The following PTPRO variants were observed in gnomAD, a reference collection of about 807,000 sequenced individuals.
The protein encoded by PTPRO is protein tyrosine phosphatase receptor type O.
PTPRO carries 62 observed loss-of-function variants against 145.2 expected under a neutral mutation model. The observed-to-expected ratio is 0.43, with a 90% CI of 0.35 to 0.53. PTPRO has a LOEUF of 0.53. Ranked by LOEUF, PTPRO falls within the 20% of genes least tolerant of loss-of-function variation. PTPRO has a pLI of 0.01. For synonymous variants in PTPRO, 565 were observed against 514.7 expected (o/e 1.10, Z -1.32); for missense variants, 1,345 against 1,482.7 (o/e 0.91, Z 1.53).
chr12:15,568,914 G>A (rs1016411179), intron 18 of PTPRO, among the ~76,000 whole-genome samples: 1 of 152,170 alleles, frequency 6.6e-6, no homozygotes, highest in Non-Finnish European at 1.5e-5. Context: ...TTGTAAAGCT[G>A]TTGAAACTTA....
At chr12:15,450,944 G>GCAA (rs1941030317) in intron 1 of PTPRO, among the ~76,000 whole-genome samples, 1 of 151,892 alleles carries the variant, frequency 6.6e-6, no homozygotes, top group South Asian at 2.1e-4. Flanking sequence ...AGGTATTCAG[G>GCAA]CAACAAATAG....
chr12:15,327,818 T>C (rs917565337), intron 1 of PTPRO, among the ~76,000 whole-genome samples: 19 of 152,150 alleles, frequency 1.2e-4, no homozygotes, highest in African/African-American at 4.6e-4. Context: ...GCAGGTCCCA[T>C]AGGGTTTCTA....
intron 1 of PTPRO, among the ~76,000 whole-genome samples, chr12:15,454,249 C>T (rs1385506341): frequency 1.3e-5 from 2 of 152,098 alleles, no homozygotes; most frequent in African/African-American, 4.8e-5. Context: ...ATCTTTTGTG[C>T]CATCCCAACA....
intron 1 of PTPRO, among the ~76,000 whole-genome samples, chr12:15,384,820 G>T (rs550433916): frequency 6.6e-6 from 1 of 152,070 alleles, no homozygotes; most frequent in African/African-American, 2.4e-5. Context: ...ATATTTCTGC[G>T]TGCAAAAAAT....
At chr12:15,527,407 C>T (rs1486950735) in intron 12 of PTPRO, among the ~76,000 whole-genome samples, 1 of 152,150 alleles carries the variant, frequency 6.6e-6, no homozygotes, top group Non-Finnish European at 1.5e-5. Flanking sequence ...TTGCCTTAAC[C>T]CACAGGAAGC....
chr12:15,483,140 A>C (rs1371671995), intron 1 of PTPRO, among the ~76,000 whole-genome samples: 4 of 152,140 alleles, frequency 2.6e-5, no homozygotes, highest in South Asian at 2.1e-4. Flanking sequence ...GGGACACTAC[A>C]TACCTAGAAG....
rs114194899 is a variant in PTPRO, at chr12:15,521,594, T to C, written c.1891+1282T>C. On this transcript the variant is annotated intron_variant, in intron 10 of 26. Transcript: ENST00000281171. Reference sequence around the variant, plus strand: ...AACATCTCAACCTGGGACTGCTCAATTCCAGCTGTCAAACTTTGAATTATC... The same window carrying C: ...AACATCTCAACCTGGGACTGCTCAACTCCAGCTGTCAAACTTTGAATTATC... 6.3e-3 allele frequency among the ~76,000 whole-genome samples: 954 copies of C among 152,300 alleles called. 12 individuals carry two copies. Among genetic ancestry groups the C allele is most frequent in the African/African-American group, 0.022 (914 of 41,550 alleles).
At chr12:15,533,964 A>C (rs747810066) in intron 12 of PTPRO, among the ~76,000 whole-genome samples, 41 of 152,282 alleles carry the variant, frequency 2.7e-4, no homozygotes, top group Non-Finnish European at 4.3e-4. Flanking sequence ...GTCCAGTATC[A>C]TATAAATTAA....
At chr12:15,366,462 C>T (rs958605531) in intron 1 of PTPRO, among the ~76,000 whole-genome samples, 1 of 152,046 alleles carries the variant, frequency 6.6e-6, no homozygotes, top group African/African-American at 2.4e-5. Flanking sequence ...GTTTTGATTG[C>T]TTGTTGAAAA....
chr12:15,429,405 A>C (rs1477197565), intron 1 of PTPRO, among the ~76,000 whole-genome samples: 1 of 152,200 alleles, frequency 6.6e-6, no homozygotes, highest in African/African-American at 2.4e-5. Context: ...GGGCAGGATG[A>C]TGATGATCTA....
intron 2 of PTPRO, among the ~76,000 whole-genome samples, chr12:15,489,633 A>G (rs546842229): frequency 6.6e-6 from 1 of 152,268 alleles, no homozygotes; most frequent in Non-Finnish European, 1.5e-5. Flanking sequence ...GGTCAGTCTC[A>G]TAGCCATCTT....
chr12:15,396,345 CT>C (rs1450566992), intron 1 of PTPRO, among the ~76,000 whole-genome samples: 1 of 151,942 alleles, frequency 6.6e-6, no homozygotes, highest in Non-Finnish European at 1.5e-5. Flanking sequence ...AAAACATTTT[CT>C]TTTAAATGTT....
At chr12:15,331,120 C>A (rs1866596506) in intron 1 of PTPRO, among the ~76,000 whole-genome samples, 1 of 151,876 alleles carries the variant, frequency 6.6e-6, no homozygotes. Context: ...TAATTTCAGG[C>A]AAATAAGGAA....
intron 7 of PTPRO, among the ~76,000 whole-genome samples, chr12:15,512,249 G>A (rs936585461): frequency 6.6e-6 from 1 of 151,974 alleles, no homozygotes; most frequent in East Asian, 1.9e-4. Context: ...CAAGGAGCTG[G>A]GACTACAGAA....
intron 1 of PTPRO, among the ~76,000 whole-genome samples, chr12:15,375,082 A>G (rs1938641088): frequency 6.6e-6 from 1 of 152,236 alleles, no homozygotes; most frequent in Non-Finnish European, 1.5e-5. Flanking sequence ...CTAGCTGACC[A>G]CTTAGCTAAT....
chr12:15,390,603 T>C (rs1464884439), intron 1 of PTPRO, among the ~76,000 whole-genome samples: 2 of 152,108 alleles, frequency 1.3e-5, no homozygotes, highest in African/African-American at 4.8e-5. Context: ...AGCCAAACCA[T>C]ATCACATGGG....
intron 12 of PTPRO, among the ~76,000 whole-genome samples, chr12:15,538,424 C>T (rs1024952945): frequency 1.3e-5 from 2 of 152,144 alleles, no homozygotes; most frequent in African/African-American, 4.8e-5. Flanking sequence ...GGGGTTTCAC[C>T]ATTTTGGTCA....
chr12:15,575,187 T>A (rs1833558193), intron 19 of PTPRO, among the ~76,000 whole-genome samples: 1 of 151,912 alleles, frequency 6.6e-6, no homozygotes, highest in African/African-American at 2.4e-5. Flanking sequence ...TAAAACAGGG[T>A]TTTATTCGGT....
At chr12:15,448,577 G>C (rs1182892417) in intron 1 of PTPRO, among the ~76,000 whole-genome samples, 1 of 152,032 alleles carries the variant, frequency 6.6e-6, no homozygotes, top group East Asian at 1.9e-4. Flanking sequence ...CTGTTGATGG[G>C]AGTGTAAATT....
Sources: gnomAD v4.1 joint callset for allele counts (sites outside exome capture counted in the v4.1 genomes callset) on GRCh38, gnomAD v4.1.1 for gene constraint, MANE v1.5 for transcripts, NCBI Gene and HGNC (gene_info 2026-07-23, HGNC 2026-07-21) for gene names.